The following SLIT3 variants were observed in gnomAD, a reference collection of about 807,000 sequenced individuals.
SLIT3 encodes slit homolog 3 protein.
Under a neutral mutation model 184.0 loss-of-function variants are expected in SLIT3, and 68 were observed. The ratio of observed to expected loss-of-function variants is 0.37; its 90% confidence interval spans 0.30 to 0.45. SLIT3 has a LOEUF of 0.45. Among genes scored for constraint, SLIT3 ranks in the 20% least tolerant of loss-of-function variants. The pLI is 1.00. For missense variants in SLIT3, 1,707 were observed against 2,026.0 expected, an observed-to-expected ratio of 0.84 and a Z score of 3.02; for synonymous variants, 831 against 828.6, an observed-to-expected ratio of 1.00 and a Z score of -0.05.
At chr5:168,777,409 G>C (rs1287081442) in intron 12 of SLIT3, among the ~76,000 whole-genome samples, 1 of 152,172 alleles carries the variant, frequency 6.6e-6, no homozygotes, top group African/African-American at 2.4e-5. Flanking sequence ...ATGGCCATGG[G>C]GAGAAAGAAA....
intron 4 of SLIT3, among the ~76,000 whole-genome samples, chr5:169,084,269 G>A (rs1199504817): frequency 2.0e-5 from 3 of 151,588 alleles, no homozygotes; most frequent in Non-Finnish European, 1.5e-5. Flanking sequence ...TAGGGAAATA[G>A]GGATGTTTCT....
At chr5:169,090,889 A>G (rs1317732577) in intron 4 of SLIT3, among the ~76,000 whole-genome samples, 1 of 152,258 alleles carries the variant, frequency 6.6e-6, no homozygotes, top group Non-Finnish European at 1.5e-5. Flanking sequence ...CAGAACTGCG[A>G]AAGAATACGT....
At chr5:169,256,095 A>G (rs1033211602) in intron 1 of SLIT3, among the ~76,000 whole-genome samples, 5 of 151,904 alleles carry the variant, frequency 3.3e-5, no homozygotes, top group African/African-American at 1.2e-4. Context: ...CTATTTAGGT[A>G]TACTATTTTT....
At chr5:168,972,337 A>ATGTGTGTGTGTGGGTGTGTG (rs1754604289) in intron 4 of SLIT3, among the ~76,000 whole-genome samples, 1 of 118,250 alleles carries the variant, frequency 8.5e-6, no homozygotes, top group Non-Finnish European at 1.7e-5. Context: ...GCAGGACAAC[A>ATGTGTGTGTGTGGGTGTGTG]TGTGTGTGTG....
chr5:168,785,196 C>T (rs1004393472), intron 12 of SLIT3, among the ~76,000 whole-genome samples: 8 of 152,184 alleles, frequency 5.3e-5, no homozygotes, highest in Non-Finnish European at 7.4e-5. Flanking sequence ...GCTATAGCTG[C>T]CTTGTCACAA....
intron 3 of SLIT3, among the ~76,000 whole-genome samples, chr5:169,197,956 G>T (rs1763790895): frequency 6.6e-6 from 1 of 152,142 alleles, no homozygotes; most frequent in Admixed American, 6.5e-5. Flanking sequence ...ATAAATAGAA[G>T]TTTTTGCCAC....
chr5:168,745,786 T>G (rs2113445106), intron 20 of SLIT3, among the ~76,000 whole-genome samples: 1 of 119,978 alleles, frequency 8.3e-6, no homozygotes. Context: ...AGAGAAATCT[T>G]TCATGAAGAA....
At chr5:168,942,234 G>C (rs548202127) in intron 4 of SLIT3, among the ~76,000 whole-genome samples, 1 of 152,276 alleles carries the variant, frequency 6.6e-6, no homozygotes, top group East Asian at 1.9e-4. Context: ...ATGCTGAAGA[G>C]GGTAAATGAA....
At chr5:169,238,954 C>G (rs1561759082) in intron 3 of SLIT3, among the ~76,000 whole-genome samples, 1 of 152,056 alleles carries the variant, frequency 6.6e-6, no homozygotes, top group Non-Finnish European at 1.5e-5. Context: ...TAAGGGATGC[C>G]CTCTTCTCAG....
intron 8 of SLIT3, among the ~76,000 whole-genome samples, chr5:168,814,923 C>G (rs1183636489): frequency 2.6e-5 from 4 of 152,132 alleles, no homozygotes; most frequent in East Asian, 1.9e-4. Flanking sequence ...CAGAGAGTAA[C>G]GGCTCACAGC....
intron 4 of SLIT3, among the ~76,000 whole-genome samples, chr5:169,034,692 T>A (rs1757164022): frequency 6.6e-6 from 1 of 151,796 alleles, no homozygotes; most frequent in Non-Finnish European, 1.5e-5. Context: ...ATCAAATAAA[T>A]AAAAATCTCA....
intron 4 of SLIT3, among the ~76,000 whole-genome samples, chr5:168,919,873 C>T (rs1276552273): frequency 6.6e-6 from 1 of 152,106 alleles, no homozygotes; most frequent in East Asian, 1.9e-4. Context: ...AAAAAGGGAA[C>T]TTCTTTGATG....
intron 4 of SLIT3, among the ~76,000 whole-genome samples, chr5:168,964,719 G>A (rs1258203329): frequency 6.6e-6 from 1 of 152,168 alleles, no homozygotes; most frequent in Non-Finnish European, 1.5e-5. Flanking sequence ...TATAACATAA[G>A]CCAGGATGAG....
At chr5:168,868,983 G>A (rs1262015826) in intron 5 of SLIT3, among the ~76,000 whole-genome samples, 1 of 152,084 alleles carries the variant, frequency 6.6e-6, no homozygotes, top group African/African-American at 2.4e-5. Flanking sequence ...CTCCCTAGAA[G>A]CTTGCAGGAC....
At chr5:168,683,301 C>T (rs1358518137) in intron 32 of SLIT3, among the ~76,000 whole-genome samples, 1 of 147,734 alleles carries the variant, frequency 6.8e-6, no homozygotes, top group Non-Finnish European at 1.5e-5. Flanking sequence ...ATCTGGGAGA[C>T]AGAGGTTGCA....
At chr5:169,260,492 AC>A (rs1766127232) in intron 1 of SLIT3, among the ~76,000 whole-genome samples, 1 of 152,178 alleles carries the variant, frequency 6.6e-6, no homozygotes, top group Non-Finnish European at 1.5e-5. Context: ...AGTTTTGCCA[AC>A]AAAGGTTACA....
intron 4 of SLIT3, among the ~76,000 whole-genome samples, chr5:169,174,934 T>C (rs529843292): frequency 8.2e-6 from 1 of 122,492 alleles, no homozygotes; most frequent in South Asian, 2.7e-4. Flanking sequence ...ATGATGAAAA[T>C]ACCCTTTGCT....
intron 16 of SLIT3, among the ~76,000 whole-genome samples, chr5:168,759,855 C>T (rs1047194338): frequency 2.6e-5 from 4 of 152,142 alleles, no homozygotes; most frequent in African/African-American, 9.7e-5. Context: ...CACCTGAACT[C>T]TGGGGCCAGG....
Position 168,760,958 on chromosome 5 carries a change from T to C in SLIT3, c.1611-22A>G, listed in dbSNP as rs762743733. 11 of 1,593,936 alleles carry C rather than the reference T, an allele frequency of 6.9e-6. No homozygotes were observed. The East Asian group carries it at 2.2e-4, about 32-fold the overall frequency. ...TCGCCTGTGTAGGAAGCAAGATGAG[T>C]GGTAGGTTAGCTGTGGACGAGGCCC... On this transcript the variant is annotated intron_variant, in intron 15 of 35. Coordinates refer to ENST00000519560, the MANE Select transcript of SLIT3 (RefSeq NM_003062.4).
Sources: gnomAD v4.1 joint callset for allele counts (sites outside exome capture counted in the v4.1 genomes callset) on GRCh38, gnomAD v4.1.1 for gene constraint, MANE v1.5 for transcripts, NCBI Gene and HGNC (gene_info 2026-07-23, HGNC 2026-07-21) for gene names.